DEPDC5: variants seen among roughly 807,000 people sequenced by gnomAD.
DEPDC5 encodes GATOR1 complex protein DEPDC5.
A neutral mutation model predicts 217.3 loss-of-function variants in DEPDC5; 73 were observed. The ratio of observed to expected loss-of-function variants is 0.34; its 90% CI spans 0.28 to 0.41. The LOEUF (loss-of-function observed/expected upper bound fraction) is 0.41, where lower values mean the gene tolerates loss of function less well. Among genes scored for constraint, DEPDC5 ranks in the 10% least tolerant of loss-of-function variants. The pLI is 1.00. For missense variants in DEPDC5, 1,675 were observed against 2,070.1 expected (o/e 0.81, Z 3.70); for synonymous variants, 733 against 756.7 (o/e 0.97, Z 0.51).
At chr22:31,815,570 A>G in intron 21 of DEPDC5, 1 of 606,492 alleles carries the variant, frequency 1.6e-6, no homozygotes, top group Non-Finnish European at 2.9e-6. Flanking sequence ...TTTTTTGTAG[A>G]GGTGGGGAAG....
intron 15 of DEPDC5, 40 bp from the exon 16 acceptor site, chr22:31,804,122 A>G: frequency 6.2e-7 from 1 of 1,603,300 alleles, no homozygotes; most frequent in Middle Eastern, 1.7e-4. Flanking sequence ...TGTCTCTGCC[A>G]TTCCCTCCCC....
chr22:31,840,191 G>T lies in DEPDC5; in HGVS notation c.2515+1346G>T, dbSNP rs887205912. Among the ~76,000 whole-genome samples the T allele has an allele frequency of 3.9e-5, 6 of 152,242 alleles. 1 individual carries two copies. In the South Asian group the frequency reaches 1.2e-3, roughly 32 times the overall value. ...TTAATATGGGGCCCTATCTAATCTG[G>T]TGGGTCATGGACAGCTTCCCTGAGG... On this transcript the variant is annotated intron_variant, in intron 27 of 42. Transcript: ENST00000651528.
chr22:31,897,393 C>G (rs574571256), intron 39 of DEPDC5, 89 bp from the exon 40 acceptor site: 18 of 1,497,674 alleles, frequency 1.2e-5, no homozygotes, highest in Non-Finnish European at 1.4e-5. Context: ...TGCATGCTGC[C>G]TTTCTGGCGG....
chr22:31,877,413 G>A (rs1464241035), intron 37 of DEPDC5, among the ~76,000 whole-genome samples: 1 of 121,252 alleles, frequency 8.2e-6, no homozygotes, highest in Admixed American at 1.1e-4. Context: ...CTCTAGCCTG[G>A]GCTACAGAGT....
Position 31,864,259 on chromosome 22 carries a change from C to T in DEPDC5, c.3330+2826C>T, listed in dbSNP as rs574116055. On this transcript the variant is annotated intron_variant, in intron 33 of 42. Transcript: ENST00000651528. ...TAGTAGTTGGGATTACAGGCATGCA[C>T]CACCATGCCCGGCTAATTTTTTGTA... Among the ~76,000 whole-genome samples, 4 of 151,440 alleles carry T rather than the reference C, an allele frequency of 2.6e-5. No homozygotes were observed. The East Asian group carries it at 7.9e-4, about 30-fold the overall frequency.
chr22:31,861,408 C>G lies in DEPDC5; in HGVS notation c.3305C>G (p.Thr1102Arg). The G allele has an allele frequency of 1.3e-6, 2 of 1,551,644 alleles. No individual in the cohort carries two copies. Among genetic ancestry groups the G allele is most frequent in the Non-Finnish European group, 1.7e-6 (2 of 1,147,002 alleles). ...FFMEFVRSPR[T>R]ASSAFYPQVS... The stretch of plus-strand genomic sequence containing the variant: ...ATGGAGTTTGTCCGCAGCCCACGCA[C>G]AGCATCGTCCGCCTTCTACCCTCAG... The change falls in exon 33 of 43, where the codon ACA becomes AGA. Residue 1102 changes from threonine to arginine, a missense_variant. This residue lies in a region of DEPDC5 where 126 missense variants were observed against 113.8 expected (regional missense o/e 1.11). Coordinates refer to ENST00000651528, the MANE Select transcript of DEPDC5 (RefSeq NM_001242896.3).
At chr22:31,774,229 T>C (rs911040177) in intron 7 of DEPDC5, among the ~76,000 whole-genome samples, 5 of 147,848 alleles carry the variant, frequency 3.4e-5, no homozygotes, top group African/African-American at 5.0e-5. Flanking sequence ...TTGAGACGAG[T>C]CTCACTCTGT....
intron 14 of DEPDC5, among the ~76,000 whole-genome samples, chr22:31,799,373 G>A (rs143544068): frequency 1.7e-4 from 26 of 150,542 alleles, no homozygotes; most frequent in Non-Finnish European, 7.4e-5. Context: ...TTTAAATTCT[G>A]GGATACACGT....
At chr22:31,799,643 A>G (rs1194659119) in intron 14 of DEPDC5, among the ~76,000 whole-genome samples, 2 of 147,832 alleles carry the variant, frequency 1.4e-5, no homozygotes, top group Non-Finnish European at 3.0e-5. Context: ...CTGGGACTAC[A>G]GGTGTGCACC....
intron 24 of DEPDC5, chr22:31,823,255 C>T (rs150100353): frequency 0.016 from 2,433 of 156,730 alleles, 18 homozygotes; most frequent in Middle Eastern, 0.03. Context: ...CAGGGCTGGG[C>T]GCAGTGGCTC....
At chr22:31,872,672 G>C (rs2092879592) in intron 34 of DEPDC5, among the ~76,000 whole-genome samples, 1 of 152,180 alleles carries the variant, frequency 6.6e-6, no homozygotes, top group Non-Finnish European at 1.5e-5. Flanking sequence ...ATTATTAAAA[G>C]GAGAGATGCT....
chr22:31,868,310 G>A (rs907824108), intron 33 of DEPDC5, among the ~76,000 whole-genome samples: 2 of 152,054 alleles, frequency 1.3e-5, no homozygotes, highest in Non-Finnish European at 2.9e-5. Flanking sequence ...GTGGGTAGAA[G>A]CCAGGGATGC....
chr22:31,825,611 C>T (rs1337652816), intron 24 of DEPDC5, among the ~76,000 whole-genome samples: 1 of 152,152 alleles, frequency 6.6e-6, no homozygotes, highest in Non-Finnish European at 1.5e-5. Flanking sequence ...GGCTCCTCAC[C>T]TCCGTTCTCA....
At chr22:31,887,272 T>G (rs1469458331) in intron 38 of DEPDC5, among the ~76,000 whole-genome samples, 3 of 150,790 alleles carry the variant, frequency 2.0e-5, no homozygotes, top group Non-Finnish European at 4.4e-5. Flanking sequence ...TACAAAAAAT[T>G]AGCTGGGTGT....
chr22:31,866,076 C>T (rs1163023356), intron 33 of DEPDC5, among the ~76,000 whole-genome samples: 1 of 152,168 alleles, frequency 6.6e-6, no homozygotes, highest in Non-Finnish European at 1.5e-5. Flanking sequence ...GGGGCTGTGA[C>T]AAGCCCACGA....
chr22:31,809,510 A>G, intron 18 of DEPDC5, 101 bp from the exon 19 acceptor site: 2 of 1,286,978 alleles, frequency 1.6e-6, no homozygotes, highest in South Asian at 1.2e-5. Flanking sequence ...TCTGTCAGTT[A>G]CAGGCTGTCT....
chr22:31,777,344 T>A (rs1256963470), intron 7 of DEPDC5, among the ~76,000 whole-genome samples: 1 of 151,770 alleles, frequency 6.6e-6, no homozygotes, highest in Non-Finnish European at 1.5e-5. Context: ...CACTGCAACT[T>A]CCACCTCCTG....
intron 22 of DEPDC5, 95 bp downstream of exon 22, chr22:31,819,320 G>T (rs2089458062): frequency 2.4e-5 from 32 of 1,342,454 alleles, no homozygotes; most frequent in Non-Finnish European, 3.2e-5. Context: ...AGGTGCCTCT[G>T]TTGCTCCACC....
At chr22:31,841,214 T>G (rs2091373113) in intron 27 of DEPDC5, among the ~76,000 whole-genome samples, 1 of 152,226 alleles carries the variant, frequency 6.6e-6, no homozygotes, top group African/African-American at 2.4e-5. Context: ...CTGAGTAGCT[T>G]CTGTTTTGTA....
Sources: gnomAD v4.1 joint callset for allele counts (sites outside exome capture counted in the v4.1 genomes callset) on GRCh38, gnomAD v4.1.1 for gene constraint, gnomAD v4.1.1 regional missense constraint, MANE v1.5 for transcripts, NCBI Gene and HGNC (gene_info 2026-07-23, HGNC 2026-07-21) for gene names.